Variants in PDGFRB observed in about 807,000 individuals in gnomAD.
PDGFRB encodes platelet-derived growth factor receptor beta.
A neutral mutation model predicts 120.2 loss-of-function variants in PDGFRB; 42 were observed. That is an observed-to-expected ratio of 0.35 (90% CI 0.27 to 0.45). The LOEUF is 0.45. Ranked by LOEUF, PDGFRB falls within the 20% of genes least tolerant of loss-of-function variation. The probability of loss-of-function intolerance (pLI) is 1.00; values close to 1 mark genes in which losing one functional copy is unlikely to be tolerated. For missense variants in PDGFRB, 1,149 were observed against 1,476.3 expected, an observed-to-expected ratio of 0.78 and a Z score of 3.63; for synonymous variants, 586 against 606.8, an observed-to-expected ratio of 0.97 and a Z score of 0.50.
At chr5:150,139,314 C>A (rs1459811942) in intron 1 of PDGFRB, among the ~76,000 whole-genome samples, 1 of 152,150 alleles carries the variant, frequency 6.6e-6, no homozygotes, top group Non-Finnish European at 1.5e-5. Flanking sequence ...GAGCAATCAG[C>A]TCCCCTCATA....
At chr5:150,123,233 A>G (rs1286853501) in intron 14 of PDGFRB, 32 bp from the exon 15 acceptor site, 3 of 1,586,536 alleles carry the variant, frequency 1.9e-6, no homozygotes, top group South Asian at 1.1e-5. Flanking sequence ...GACAGTCCCT[A>G]TGGAGGCCTC....
chr5:150,115,799 A>T lies in PDGFRB; in HGVS notation c.3285T>A (p.Pro1095=), dbSNP rs768873092. Residue 1095 remains proline (P), a synonymous_variant, in exon 23 of 23, where the codon CCT becomes CCA. Transcript: ENST00000261799. ...TATCCTCTGCTTCCGCCCGAGGCGC[A>T]GGGCACCCCGAATCCGGCAACTGTT... ...ELEQLPDSGC[P]APRAEAEDSF... 1 of 1,611,626 alleles carries T rather than the reference A, an allele frequency of 6.2e-7. No homozygotes were observed. The highest frequency in any genetic ancestry group is 1.1e-5 in the South Asian group (1 of 90,762).
Position 150,120,233 on chromosome 5 carries a change from G to A in PDGFRB, c.2587-110C>T, listed in dbSNP as rs41287106. 0.046 allele frequency: 31,025 copies of A among 674,742 alleles called. 880 individuals carry two copies. Among genetic ancestry groups the A allele is most frequent in the Admixed American group, 0.086 (4,165 of 48,156 alleles). 41.8% of individuals were successfully genotyped at this position (674,742 alleles called of 1,614,324 possible). A position where few individuals can be genotyped will look rare whatever the true frequency, so the allele number is the denominator to read the frequency against. On this transcript the variant is annotated intron_variant, in intron 18 of 22. Transcript: ENST00000261799. The surrounding 1 kb of genome is among the most constrained non-coding windows in gnomAD (Gnocchi z 4.3). Reference sequence around the variant, plus strand: ...AGCTCCCACCCACAACCACTTCTCCGTCCCATTCCCTGTGAGGGCCCTGGT... The same window carrying A: ...AGCTCCCACCCACAACCACTTCTCCATCCCATTCCCTGTGAGGGCCCTGGT...
In PDGFRB at chr5:150,121,746, G is replaced by A. The variant is rs144904904; in HGVS notation, c.2344+134C>T. 1.8e-4 allele frequency: 132 copies of A among 724,100 alleles called. No homozygotes were observed. Among genetic ancestry groups the A allele is most frequent in the African/African-American group, 1.8e-3 (104 of 57,290 alleles). 44.9% of individuals were successfully genotyped at this position (724,100 alleles called of 1,614,324 possible). A position where few individuals can be genotyped will look rare whatever the true frequency, so the allele number is the denominator to read the frequency against. On this transcript the variant is annotated intron_variant, in intron 16 of 22. Coordinates refer to ENST00000261799, the MANE Select transcript of PDGFRB (RefSeq NM_002609.4). This position sits in a 1 kb window ranked among gnomAD's most constrained non-coding sequence, Gnocchi z 4.1. ...TCCACTACAGATCAGTTTTGGCCAGGTGGCTAGCCTCAATTTCTACATCTA... is the reference window on the plus strand; with the variant it reads ...TCCACTACAGATCAGTTTTGGCCAGATGGCTAGCCTCAATTTCTACATCTA...
At chr5:150,139,253 T>C (rs1272478241) in intron 1 of PDGFRB, among the ~76,000 whole-genome samples, 1 of 152,044 alleles carries the variant, frequency 6.6e-6, no homozygotes, top group Admixed American at 6.6e-5. Flanking sequence ...GTGGATGCCG[T>C]AGGGAGGTTG....
intron 1 of PDGFRB, among the ~76,000 whole-genome samples, chr5:150,151,214 G>A (rs1761068164): frequency 6.6e-6 from 1 of 152,186 alleles, no homozygotes; most frequent in South Asian, 2.1e-4. Context: ...ATCTGGGCTG[G>A]CATGGCTTGG....
At chr5:150,152,970 T>C (rs1045268395) in intron 1 of PDGFRB, among the ~76,000 whole-genome samples, 2 of 152,186 alleles carry the variant, frequency 1.3e-5, no homozygotes, top group Non-Finnish European at 2.9e-5. Context: ...GGTCACACAG[T>C]CAGCCAGAAA....
Position 150,125,469 on chromosome 5 carries a change from G to C in PDGFRB, c.1783C>G (p.Leu595Val). 1 of 1,612,394 alleles carries C rather than the reference G, an allele frequency of 6.2e-7. No individual in the cohort carries two copies. The highest frequency in any genetic ancestry group is 8.5e-7 in the Non-Finnish European group (1 of 1,178,802). ...CCCAGCACAAGCTGGTCCCGCGGCA[G>C]CTCCCACGTGGAGTCATAGGGCAGC... ...MQLPYDSTWE[L>V]PRDQLVLGRT... Residue 595 changes from leucine (L) to valine (V), a missense_variant, in exon 12 of 23, where the codon CTG becomes GTG. Around this residue, in one of 3 missense-constraint regions of PDGFRB, gnomAD observed 879 missense variants for 1,108.6 expected, o/e 0.79. Transcript: ENST00000261799.
rs992338254 is a variant in PDGFRB at position 150,120,416 on chromosome 5, C to A, written c.2587-293G>T. Among the ~76,000 whole-genome samples, 1 of 152,172 alleles carries A rather than the reference C, an allele frequency of 6.6e-6. No individual in the cohort carries two copies. Among genetic ancestry groups the A allele is most frequent in the Non-Finnish European group, 1.5e-5 (1 of 68,014 alleles). On this transcript the variant is annotated intron_variant, in intron 18 of 22. Coordinates refer to ENST00000261799, the MANE Select transcript of PDGFRB (RefSeq NM_002609.4). This position sits in a 1 kb window ranked among gnomAD's most constrained non-coding sequence, Gnocchi z 4.3. ...TGGGAGCCAGGGACTTGTCAAGGCA[C>A]CCCCCAAGCTCTTATCCTGGCTGCC...
At position 150,114,578 on chromosome 5, in the gene PDGFRB, A is replaced by C. The variant is rs558461238; in HGVS notation, c.*1185T>G. The C allele has an allele frequency of 4.3e-6, 1 of 233,272 alleles. No homozygotes were observed. Among genetic ancestry groups the C allele is most frequent in the Admixed American group, 5.6e-5 (1 of 17,772 alleles). The allele number at this position is 233,272 out of a possible 1,614,324, so 14.5% of individuals were successfully genotyped here. A position where few individuals can be genotyped will look rare whatever the true frequency, so the allele number is the denominator to read the frequency against. On this transcript the variant is annotated 3_prime_UTR_variant, in exon 23 of 23. Transcript: ENST00000261799. ...AGGACACCGGCTGTCACTCTAAGTC[A>C]AGGCCTGTGCAGCTGTGTTCTTGAG...
At chr5:150,136,981 C>A (rs745458833) in intron 2 of PDGFRB, 27 bp downstream of exon 2, 1 of 1,599,896 alleles carries the variant, frequency 6.3e-7, no homozygotes, top group Admixed American at 1.7e-5. Flanking sequence ...CCCCCCGGGT[C>A]CCCTACCTTA....
In PDGFRB at chr5:150,130,420, A is replaced by G. The variant is rs1760429971; in HGVS notation, c.1367+119T>C. On this transcript the variant is annotated intron_variant, in intron 9 of 22. Coordinates refer to ENST00000261799, the MANE Select transcript of PDGFRB (RefSeq NM_002609.4). ...CAAGGAGGTGGTGACCTGGCCTCCT[A>G]GGATGCAACTCTATGCCCGGAACAA... 8.4e-6 allele frequency: 8 copies of G among 955,480 alleles called. No individual in the cohort carries two copies. In the South Asian group the frequency reaches 1.1e-4, roughly 13 times the overall value. The allele number at this position is 955,480 out of a possible 1,614,324, so 59.2% of individuals were successfully genotyped here.
Position 150,120,737 on chromosome 5 carries a change from G to A in PDGFRB, c.2586+151C>T. 2 of 729,314 alleles carry A rather than the reference G, an allele frequency of 2.7e-6. No homozygotes were observed. The highest frequency in any genetic ancestry group is 3.5e-5 in the South Asian group (2 of 56,686). The allele number at this position is 729,314 out of a possible 1,614,324, so 45.2% of individuals were successfully genotyped here. On this transcript the variant is annotated intron_variant, in intron 18 of 22. Transcript: ENST00000261799. The surrounding 1 kb of genome is among the most constrained non-coding windows in gnomAD (Gnocchi z 4.3). ...CATCCTGTCCCTGCACACATAGCTG[G>A]GCAGGCACAGCCCATCACTGCTGTC...
At position 150,121,945 on chromosome 5, in the gene PDGFRB, T is replaced by G. The variant is rs1467726205; in HGVS notation, c.2279A>C (p.Asp760Ala). 1 of 1,613,360 alleles carries G rather than the reference T, an allele frequency of 6.2e-7. No homozygotes were observed. Among genetic ancestry groups the G allele is most frequent in the East Asian group, 2.2e-5 (1 of 44,890 alleles). ...DYVPMLDMKG[D>A]VKYADIESSN... The stretch of plus-strand genomic sequence containing the variant: ...GGACTCGATGTCTGCATATTTGACG[T>G]CTCCTTTCATGTCCAGCATGGGCAC... The change falls in exon 16 of 23, where the codon GAC becomes GCC. Residue 760 changes from aspartate (D) to alanine (A), a missense_variant. By Grantham distance (126) the Asp-to-Ala change is moderately radical. This residue lies in a region of PDGFRB where 879 missense variants were observed against 1,108.6 expected (regional missense o/e 0.79). Transcript: ENST00000261799. The surrounding 1 kb of genome is among the most constrained non-coding windows in gnomAD (Gnocchi z 4.1).
intron 19 of PDGFRB, 52 bp downstream of exon 19, chr5:150,119,960 G>A (rs1248857986): frequency 1.4e-5 from 13 of 925,814 alleles, no homozygotes; most frequent in South Asian, 5.2e-5. Flanking sequence ...ATGAGTGGTC[G>A]AGGTAGACAC....
chr5:150,119,414 A>G, intron 20 of PDGFRB, 53 bp downstream of exon 20: 3 of 979,436 alleles, frequency 3.1e-6, no homozygotes, highest in Non-Finnish European at 5.0e-6. Context: ...GTAGAGTTGG[A>G]TATCTATTGT....
At chr5:150,122,983 G>T in intron 15 of PDGFRB, 59 bp downstream of exon 15, 1 of 1,413,158 alleles carries the variant, frequency 7.1e-7, no homozygotes. Flanking sequence ...AAAAGGAGGG[G>T]AAGGAGCGGT....
intron 14 of PDGFRB, among the ~76,000 whole-genome samples, chr5:150,123,550 A>G (rs1420001359): frequency 6.6e-6 from 1 of 152,248 alleles, no homozygotes; most frequent in African/African-American, 2.4e-5. Flanking sequence ...TTTGGAGCCC[A>G]GTATAGAAAG....
At chr5:150,133,795 G>A (rs989619394) in intron 5 of PDGFRB, 35 bp from the exon 6 acceptor site, 2 of 1,612,046 alleles carry the variant, frequency 1.2e-6, no homozygotes. Flanking sequence ...CCCCAAATCA[G>A]GAGGGGCCGG....
Sources: allele counts gnomAD v4.1 joint callset (sites outside exome capture counted in the v4.1 genomes callset), GRCh38; gene constraint gnomAD v4.1.1; regional missense constraint gnomAD v4.1.1; non-coding constraint Gnocchi (gnomAD v3.1); transcripts MANE v1.5; gene names NCBI Gene and HGNC (gene_info 2026-07-23, HGNC 2026-07-21).